The following IMPA2 variants were observed in gnomAD, a reference collection of about 807,000 sequenced individuals.
IMPA2 encodes inositol monophosphatase 2.
In IMPA2, 32 loss-of-function variants were observed where a neutral mutation model predicts 35.1. That is an observed-to-expected ratio of 0.91 (90% CI 0.69 to 1.23). The LOEUF is 1.23. IMPA2 is among the 50% of genes most tolerant of loss of function. IMPA2 has a pLI of 0.00. For missense variants in IMPA2, 334 were observed against 387.6 expected, an observed-to-expected ratio of 0.86 and a Z score of 1.16; for synonymous variants, 135 against 160.6, an observed-to-expected ratio of 0.84 and a Z score of 1.20.
intron 5 of IMPA2, among the ~76,000 whole-genome samples, chr18:12,024,579 A>T (rs1375158035): frequency 5.3e-5 from 8 of 152,200 alleles, no homozygotes; most frequent in Admixed American, 5.2e-4. Context: ...TGTCACTGCC[A>T]CTTCACTTTC....
At chr18:12,007,108 C>G (rs141142767) in intron 2 of IMPA2, among the ~76,000 whole-genome samples, 1 of 146,160 alleles carries the variant, frequency 6.8e-6, no homozygotes, top group Admixed American at 6.6e-5. Flanking sequence ...CCAGCCTGGG[C>G]GACAGGGCGA....
At chr18:12,018,041 A>C (rs7234365) in intron 5 of IMPA2, 24,242 of 156,330 alleles carry the variant, frequency 0.16, 2,608 homozygotes, top group African/African-American at 0.3. Flanking sequence ...TCCCTGGTTC[A>C]AGTGATTTTC....
At chr18:12,022,068 T>C (rs8084851) in intron 5 of IMPA2, among the ~76,000 whole-genome samples, 20,298 of 150,070 alleles carry the variant, frequency 0.14, 2,248 homozygotes, top group African/African-American at 0.29. Context: ...CCATTCTAAT[T>C]ACTCTTCAGC....
At chr18:11,985,105 C>T (rs72871698) in intron 1 of IMPA2, among the ~76,000 whole-genome samples, 14,712 of 145,086 alleles carry the variant, frequency 0.1, 937 homozygotes, top group East Asian at 0.29. Context: ...CTAGGTTGCA[C>T]CACTGCACTC....
At chr18:12,008,575 G>A (rs1468873844) in intron 2 of IMPA2, 1 of 456,734 alleles carries the variant, frequency 2.2e-6, no homozygotes, top group Non-Finnish European at 4.4e-6. Context: ...AGCTCCACAG[G>A]GACCAGCCTG....
chr18:11,988,680 G>A (rs1292866793), intron 1 of IMPA2, among the ~76,000 whole-genome samples: 1 of 152,186 alleles, frequency 6.6e-6, no homozygotes, highest in Non-Finnish European at 1.5e-5. Flanking sequence ...GAGAAAGAGA[G>A]GAGCCAAGGG....
At chr18:12,008,469 G>T (rs1173582016) in intron 2 of IMPA2, 2 of 481,032 alleles carry the variant, frequency 4.2e-6, no homozygotes, top group Admixed American at 4.4e-5. Flanking sequence ...GTGAACTTGG[G>T]ACAGTCCAAG....
At chr18:11,986,740 C>A (rs141427059) in intron 1 of IMPA2, among the ~76,000 whole-genome samples, 87 of 152,312 alleles carry the variant, frequency 5.7e-4, no homozygotes, top group Middle Eastern at 3.4e-3. Flanking sequence ...AGTCCCTGTT[C>A]TCAATTTTCT....
At chr18:11,989,925 C>T (rs980484917) in intron 1 of IMPA2, among the ~76,000 whole-genome samples, 2 of 152,124 alleles carry the variant, frequency 1.3e-5, no homozygotes, top group East Asian at 1.9e-4. Flanking sequence ...GCCCCCTCCT[C>T]GAGCTTTAGG....
intron 1 of IMPA2, among the ~76,000 whole-genome samples, chr18:11,984,788 A>C (rs1429613123): frequency 6.6e-6 from 1 of 151,398 alleles, no homozygotes; most frequent in Non-Finnish European, 1.5e-5. Flanking sequence ...TAACACGGTG[A>C]AACCTCGTCT....
At chr18:12,020,209 TTGAA>T (rs1207748155) in intron 5 of IMPA2, among the ~76,000 whole-genome samples, 1 of 150,126 alleles carries the variant, frequency 6.7e-6, no homozygotes, top group Admixed American at 6.7e-5. Flanking sequence ...GATTGATTGA[TTGAA>T]ATGGAGTTTC....
chr18:12,028,532 C>T, intron 6 of IMPA2: 4 of 451,806 alleles, frequency 8.9e-6, no homozygotes. Flanking sequence ...GAGCCCTAGC[C>T]ATGTGAGACC....
At chr18:11,981,928 T>C (rs1483151202) in intron 1 of IMPA2, among the ~76,000 whole-genome samples, 163 bp downstream of exon 1, 1 of 151,868 alleles carries the variant, frequency 6.6e-6, no homozygotes, top group Non-Finnish European at 1.5e-5. Context: ...TGTGCTGGTG[T>C]CCTGGACACA....
chr18:11,989,437 A>C (rs653073), intron 1 of IMPA2, among the ~76,000 whole-genome samples: 38,226 of 151,918 alleles, frequency 0.25, 5,947 homozygotes, highest in African/African-American at 0.44. Context: ...CGAAAACTCA[A>C]CAACATTTCA....
At chr18:12,026,264 C>G (rs911363610) in intron 5 of IMPA2, among the ~76,000 whole-genome samples, 8 of 151,672 alleles carry the variant, frequency 5.3e-5, no homozygotes, top group Middle Eastern at 3.4e-3. Context: ...AACTCCCAGC[C>G]TCAGGTGATC....
chr18:11,995,980 G>A (rs1053458904), intron 1 of IMPA2, among the ~76,000 whole-genome samples: 2 of 152,142 alleles, frequency 1.3e-5, no homozygotes, highest in Non-Finnish European at 2.9e-5. Context: ...GCCCTCAGAA[G>A]CCTCTGCCTA....
At chr18:11,997,113 C>T (rs773167782) in intron 1 of IMPA2, among the ~76,000 whole-genome samples, 11 of 152,174 alleles carry the variant, frequency 7.2e-5, no homozygotes, top group Non-Finnish European at 1.2e-4. Context: ...CAGGAATCAC[C>T]GTGGCCATAC....
chr18:12,020,434 C>G (rs1907697059), intron 5 of IMPA2, among the ~76,000 whole-genome samples: 1 of 152,234 alleles, frequency 6.6e-6, no homozygotes, highest in South Asian at 2.1e-4. Flanking sequence ...CTCAGGTGAT[C>G]TGCCCGCCTC....
chr18:12,028,252 G>T, intron 6 of IMPA2, 101 bp downstream of exon 6: 1 of 741,942 alleles, frequency 1.3e-6, no homozygotes, highest in Non-Finnish European at 2.3e-6. Context: ...AGCCTGACGT[G>T]GAAAGAGTGG....
Sources: allele counts gnomAD v4.1 joint callset (sites outside exome capture counted in the v4.1 genomes callset), GRCh38; gene constraint gnomAD v4.1.1; transcripts MANE v1.5; gene names NCBI Gene and HGNC (gene_info 2026-07-23, HGNC 2026-07-21).